The following PITPNC1 variants were observed in gnomAD, a reference collection of about 807,000 sequenced individuals.
The protein encoded by PITPNC1 is cytoplasmic phosphatidylinositol transfer protein 1.
Under a neutral mutation model 44.7 loss-of-function variants are expected in PITPNC1, and 18 were observed. That is an observed-to-expected ratio of 0.40 (90% CI 0.28 to 0.60). PITPNC1 has a LOEUF of 0.60. Among genes scored for constraint, PITPNC1 ranks in the 20% least tolerant of loss-of-function variants. PITPNC1 has a pLI of 0.39. For synonymous variants in PITPNC1, 141 were observed against 149.6 expected (o/e 0.94, Z 0.42); for missense variants, 290 against 418.4 (o/e 0.69, Z 2.68).
chr17:67,681,163 T>C (rs2042697456), intron 8 of PITPNC1, among the ~76,000 whole-genome samples: 1 of 152,238 alleles, frequency 6.6e-6, no homozygotes, highest in South Asian at 2.1e-4. Context: ...CATATGATCT[T>C]GCCTCCACTT....
chr17:67,481,809 G>A (rs1270909096), intron 1 of PITPNC1, among the ~76,000 whole-genome samples: 3 of 151,848 alleles, frequency 2.0e-5, no homozygotes, highest in African/African-American at 7.3e-5. Flanking sequence ...ATAAAATGTG[G>A]ACACTGCCTT....
intron 6 of PITPNC1, among the ~76,000 whole-genome samples, chr17:67,647,909 C>T (rs1220874397): frequency 1.3e-5 from 2 of 152,166 alleles, no homozygotes; most frequent in African/African-American, 2.4e-5. Context: ...TTGTATCAAA[C>T]AGTGAAGGGA....
chr17:67,669,452 TA>T, intron 6 of PITPNC1, 55 bp from the exon 7 acceptor site: 1 of 1,244,284 alleles, frequency 8.0e-7, no homozygotes, highest in South Asian at 1.4e-5. Flanking sequence ...TCCTGACATT[TA>T]ATAATGATGG....
intron 1 of PITPNC1, among the ~76,000 whole-genome samples, chr17:67,484,149 C>T (rs1453145136): frequency 2.6e-5 from 4 of 152,070 alleles, no homozygotes; most frequent in Non-Finnish European, 5.9e-5. Context: ...AACTCCCCAC[C>T]TCAGATGATC....
intron 8 of PITPNC1, among the ~76,000 whole-genome samples, chr17:67,689,623 A>T (rs756829026): frequency 3.9e-5 from 6 of 152,250 alleles, no homozygotes; most frequent in African/African-American, 1.4e-4. Flanking sequence ...ATTAACATCC[A>T]TGAACACAGC....
intron 1 of PITPNC1, among the ~76,000 whole-genome samples, chr17:67,397,387 C>T (rs1014537662): frequency 2.6e-5 from 4 of 152,152 alleles, no homozygotes; most frequent in Admixed American, 6.5e-5. Context: ...ATCTATTTTT[C>T]ATCTCCAGAA....
intron 5 of PITPNC1, among the ~76,000 whole-genome samples, chr17:67,578,638 GAT>G (rs1334091425): frequency 1.3e-5 from 2 of 152,196 alleles, no homozygotes; most frequent in Non-Finnish European, 1.5e-5. Flanking sequence ...TACAATCAAA[GAT>G]ATGTGTACAC....
chr17:67,471,653 C>T (rs2039535305), intron 1 of PITPNC1: 1 of 261,834 alleles, frequency 3.8e-6, no homozygotes. Flanking sequence ...ATCATATACC[C>T]CCTAAAGTTA....
intron 5 of PITPNC1, among the ~76,000 whole-genome samples, chr17:67,599,595 A>G (rs2041514821): frequency 6.6e-6 from 1 of 152,122 alleles, no homozygotes; most frequent in Non-Finnish European, 1.5e-5. Context: ...CAAGGAAGAA[A>G]TTGTCACCAG....
chr17:67,439,978 T>C (rs1333872076), intron 1 of PITPNC1, among the ~76,000 whole-genome samples: 6 of 152,104 alleles, frequency 3.9e-5, no homozygotes, highest in African/African-American at 1.2e-4. Flanking sequence ...TAATTTGGGA[T>C]GTAAAATGTA....
chr17:67,428,126 C>T (rs1190406301), intron 1 of PITPNC1, among the ~76,000 whole-genome samples: 3 of 152,148 alleles, frequency 2.0e-5, no homozygotes, highest in Admixed American at 6.6e-5. Flanking sequence ...TCTTGAGTGG[C>T]TGGCACTACA....
intron 1 of PITPNC1, among the ~76,000 whole-genome samples, chr17:67,445,693 C>A (rs1028695091): frequency 6.6e-6 from 1 of 152,022 alleles, no homozygotes; most frequent in Admixed American, 6.6e-5. Context: ...GATGACCTGG[C>A]AACTGTACAT....
rs2038733347 is a variant in PITPNC1 at position 67,425,190 on chromosome 17, C to CGCGCGCGCGCGCGCGG, written c.48+46992_48+46993insGCGCGCGCGCGGGCGC. Among the ~76,000 whole-genome samples, 2 of 45,092 alleles carry CGCGCGCGCGCGCGCGG rather than the reference C, an allele frequency of 4.4e-5. 1 individual carries two copies. Among genetic ancestry groups the CGCGCGCGCGCGCGCGG allele is most frequent in the South Asian group, 1.2e-3 (2 of 1,714 alleles). 29.6% of individuals were successfully genotyped at this position (45,092 alleles called of 152,430 possible). On this transcript the variant is annotated intron_variant, in intron 1 of 8. Coordinates refer to ENST00000581322, the MANE Select transcript of PITPNC1 (RefSeq NM_012417.4). ...GTGAAATAAACAGCCATGTTGTGCG[C>CGCGCGCGCGCGCGCGG]GCGCACGCACACGCACACACACACA...
chr17:67,565,311 TCAG>T, intron 4 of PITPNC1, among the ~76,000 whole-genome samples: 1 of 152,252 alleles, frequency 6.6e-6, no homozygotes, highest in Admixed American at 6.5e-5. Context: ...TCCATGTTTT[TCAG>T]TGTGTATACT....
At chr17:67,465,420 G>A (rs2039411450) in intron 1 of PITPNC1, among the ~76,000 whole-genome samples, 1 of 152,188 alleles carries the variant, frequency 6.6e-6, no homozygotes, top group African/African-American at 2.4e-5. Context: ...AATCCCATAA[G>A]CAGCTGCTTG....
chr17:67,562,190 T>C (rs2040914549), intron 4 of PITPNC1, among the ~76,000 whole-genome samples: 1 of 152,196 alleles, frequency 6.6e-6, no homozygotes, highest in Non-Finnish European at 1.5e-5. Flanking sequence ...TTGCTATTAC[T>C]CAGCATGTCA....
At chr17:67,690,971 C>T (rs1208891816) in intron 8 of PITPNC1, among the ~76,000 whole-genome samples, 5 of 152,046 alleles carry the variant, frequency 3.3e-5, no homozygotes, top group Non-Finnish European at 5.9e-5. Flanking sequence ...GGCATGGTGG[C>T]ACGTGCCTGT....
At chr17:67,433,095 G>A (rs182089917) in intron 1 of PITPNC1, among the ~76,000 whole-genome samples, 1 of 152,308 alleles carries the variant, frequency 6.6e-6, no homozygotes, top group Admixed American at 6.5e-5. Context: ...GCAGAGACCT[G>A]GATGAATCGT....
intron 8 of PITPNC1, among the ~76,000 whole-genome samples, chr17:67,685,043 C>G (rs2042787449): frequency 6.6e-6 from 1 of 152,200 alleles, no homozygotes; most frequent in South Asian, 2.1e-4. Flanking sequence ...AGAGAAACTT[C>G]TTTAAATTTT....
Sources: gnomAD v4.1 joint callset for allele counts (sites outside exome capture counted in the v4.1 genomes callset) on GRCh38, gnomAD v4.1.1 for gene constraint, MANE v1.5 for transcripts, NCBI Gene and HGNC (gene_info 2026-07-23, HGNC 2026-07-21) for gene names.